Variants in JAM3 observed in about 807,000 individuals in gnomAD.
JAM3 encodes the protein junctional adhesion molecule C.
In JAM3, 31 loss-of-function variants were observed where a neutral mutation model predicts 39.4. The ratio of observed to expected loss-of-function variants is 0.79; its 90% CI spans 0.59 to 1.06. The LOEUF (loss-of-function observed/expected upper bound fraction) is 1.06. Among genes scored for constraint, JAM3 ranks in the 50% least tolerant of loss-of-function variants. JAM3 has a pLI of 0.00. For missense variants in JAM3, 455 were observed against 391.4 expected (o/e 1.16, Z -1.37); for synonymous variants, 182 against 148.7 (o/e 1.22, Z -1.63).
At chr11:134,081,873 G>A (rs540134583) in intron 1 of JAM3, among the ~76,000 whole-genome samples, 1 of 152,368 alleles carries the variant, frequency 6.6e-6, no homozygotes, top group Non-Finnish European at 1.5e-5. Context: ...GAGCAGCGGG[G>A]AGCAAGGCTG....
intron 1 of JAM3, among the ~76,000 whole-genome samples, chr11:134,125,045 C>T (rs534090043): frequency 1.3e-5 from 2 of 152,224 alleles, no homozygotes; most frequent in African/African-American, 4.8e-5. Flanking sequence ...CGCGTCTCCA[C>T]GAGTCTGTCT....
In JAM3 at chr11:134,150,701, C is replaced by G. The variant is rs749893130; in HGVS notation, c.*1520C>G. 1 of 151,804 alleles carries G rather than the reference C, an allele frequency of 6.6e-6. No homozygotes were observed. Among genetic ancestry groups the G allele is most frequent in the African/African-American group, 2.4e-5 (1 of 41,272 alleles). The allele number at this position is 151,804 out of a possible 1,614,324, so 9.4% of individuals were successfully genotyped here. A position where few individuals can be genotyped will look rare whatever the true frequency, so the allele number is the denominator to read the frequency against. On this transcript the variant is annotated 3_prime_UTR_variant, in exon 9 of 9. Coordinates refer to ENST00000299106, the MANE Select transcript of JAM3 (RefSeq NM_032801.5). ...GATTGTCTAAGGCCAAAGGCAATTGCGAAATCAAGTCTGTCAAGTACAATA... is the reference window on the plus strand; with the variant it reads ...GATTGTCTAAGGCCAAAGGCAATTGGGAAATCAAGTCTGTCAAGTACAATA...
chr11:134,130,568 G>A (rs1047653971), intron 1 of JAM3, among the ~76,000 whole-genome samples: 7 of 152,172 alleles, frequency 4.6e-5, no homozygotes, highest in East Asian at 3.9e-4. Flanking sequence ...TTGAACCGAC[G>A]TTGTAGAAGC....
Position 134,113,184 on chromosome 11 carries a change from G to A in JAM3, c.77-26667G>A, listed in dbSNP as rs1049055562. 4.7e-5 allele frequency among the ~76,000 whole-genome samples: 7 copies of A among 149,082 alleles called. 1 individual carries two copies. Among genetic ancestry groups the A allele is most frequent in the Middle Eastern group, 6.9e-3 (2 of 290 alleles). ...GTAGTAATTGACAATGTGGGTTCTG[G>A]GACTGGACTGTCTGGTTTTTTTTTT... On this transcript the variant is annotated intron_variant, in intron 1 of 8. Transcript: ENST00000299106.
At chr11:134,077,486 C>T (rs980587471) in intron 1 of JAM3, among the ~76,000 whole-genome samples, 1 of 151,376 alleles carries the variant, frequency 6.6e-6, no homozygotes, top group Non-Finnish European at 1.5e-5. Flanking sequence ...GCTTCAGCCT[C>T]CCGAGTAGCT....
At chr11:134,139,235 C>G (rs1010902062) in intron 1 of JAM3, among the ~76,000 whole-genome samples, 6 of 152,198 alleles carry the variant, frequency 3.9e-5, no homozygotes, top group African/African-American at 1.4e-4. Flanking sequence ...TTGCTTTCAT[C>G]AATGATATAA....
rs778785861 is a variant in JAM3, at chr11:134,146,083, G to C, written c.712+38G>C. The C allele has an allele frequency of 3.1e-6, 4 of 1,299,072 alleles. No homozygotes were observed. The African/African-American group carries it at 5.8e-5, about 19-fold the overall frequency. 80.5% of individuals were successfully genotyped at this position (1,299,072 alleles called of 1,614,324 possible). On this transcript the variant is annotated intron_variant, in intron 6 of 8. Coordinates refer to ENST00000299106, the MANE Select transcript of JAM3 (RefSeq NM_032801.5). ...TTTGAAGAGGTTTCATCGCAAGACT[G>C]GGAAGTGAATAGAACATTTTAATTT...
In JAM3 at chr11:134,076,303, C is replaced by G. The variant is rs980627214; in HGVS notation, c.76+7144C>G. Among the ~76,000 whole-genome samples, 4 of 151,408 alleles carry G rather than the reference C, an allele frequency of 2.6e-5. No homozygotes were observed. In the South Asian group the frequency reaches 6.3e-4, roughly 24 times the overall value. On this transcript the variant is annotated intron_variant, in intron 1 of 8. Transcript: ENST00000299106. ...TGGAGTAGCTGGGATTACAGGCGGC[C>G]GCCACCACGCCTGGCTAATTTTTGT...
intron 1 of JAM3, among the ~76,000 whole-genome samples, chr11:134,088,405 ATTTT>A (rs1941781041): frequency 6.7e-6 from 1 of 148,838 alleles, no homozygotes; most frequent in Non-Finnish European, 1.5e-5. Flanking sequence ...TTTTTTTTTT[ATTTT>A]TTATTTTTTT....
chr11:134,094,760 T>A (rs550570972), intron 1 of JAM3, among the ~76,000 whole-genome samples: 1 of 152,360 alleles, frequency 6.6e-6, no homozygotes, highest in African/African-American at 2.4e-5. Flanking sequence ...TTGCAATTAA[T>A]TATATATGTA....
intron 1 of JAM3, among the ~76,000 whole-genome samples, chr11:134,124,972 C>T (rs1248005044): frequency 2.6e-5 from 4 of 152,168 alleles, no homozygotes; most frequent in Non-Finnish European, 4.4e-5. Flanking sequence ...CCTCAGTTAC[C>T]TCTGCGGCAG....
intron 1 of JAM3, among the ~76,000 whole-genome samples, chr11:134,091,320 C>A (rs185358312): frequency 3.6e-4 from 55 of 152,144 alleles, no homozygotes; most frequent in Middle Eastern, 3.4e-3. Flanking sequence ...ACTGTGAAAC[C>A]CTGTCTCTAC....
At chr11:134,073,895 G>T (rs1328325593) in intron 1 of JAM3, among the ~76,000 whole-genome samples, 1 of 152,140 alleles carries the variant, frequency 6.6e-6, no homozygotes, top group Non-Finnish European at 1.5e-5. Context: ...TTAAAAAAAT[G>T]TCTTATTTCT....
intron 1 of JAM3, among the ~76,000 whole-genome samples, chr11:134,130,172 A>C (rs1354713868): frequency 6.6e-6 from 1 of 152,200 alleles, no homozygotes; most frequent in Non-Finnish European, 1.5e-5. Context: ...TACCTGAAGC[A>C]ATTAAATCCT....
chr11:134,148,630 GCATA>G lies in JAM3; in HGVS notation c.799_802del (p.Tyr267AspfsTer42). 1 of 1,614,172 alleles carries G rather than the reference GCATA, an allele frequency of 6.2e-7. No homozygotes were observed. Among genetic ancestry groups the G allele is most frequent in the Non-Finnish European group, 8.5e-7 (1 of 1,180,044 alleles). On this transcript the variant is annotated frameshift_variant, in exon 7 of 9. Coordinates refer to ENST00000299106, the MANE Select transcript of JAM3 (RefSeq NM_032801.5). LOFTEE classifies it high-confidence loss of function. ...CCTGATCACGTTGGGCATCTGCTGT[GCATA>G]CAGACGTGGCTACTTCATCAACAAT...
intron 1 of JAM3, among the ~76,000 whole-genome samples, chr11:134,118,491 C>T (rs1243777770): frequency 6.6e-6 from 1 of 152,158 alleles, no homozygotes; most frequent in African/African-American, 2.4e-5. Context: ...AGTCATTGCA[C>T]CACTACAATG....
intron 1 of JAM3, among the ~76,000 whole-genome samples, chr11:134,107,050 C>G (rs914050452): frequency 6.6e-6 from 1 of 152,152 alleles, no homozygotes; most frequent in South Asian, 2.1e-4. Flanking sequence ...TATTGTGGCA[C>G]TATTCACAAT....
intron 1 of JAM3, among the ~76,000 whole-genome samples, chr11:134,097,419 T>C (rs1942003409): frequency 6.6e-6 from 1 of 152,196 alleles, no homozygotes; most frequent in African/African-American, 2.4e-5. Context: ...TATTGACTCC[T>C]TCATTTGAGA....
intron 1 of JAM3, chr11:134,123,852 T>C (rs1942585595): frequency 3.7e-6 from 3 of 808,940 alleles, no homozygotes; most frequent in Non-Finnish European, 6.7e-6. Flanking sequence ...CCCGTTGGTA[T>C]CTCTGAAGCG....
Sources: allele counts gnomAD v4.1 joint callset (sites outside exome capture counted in the v4.1 genomes callset), GRCh38; gene constraint gnomAD v4.1.1; transcripts MANE v1.5; gene names NCBI Gene and HGNC (gene_info 2026-07-23, HGNC 2026-07-21).